Variants in GFOD1 observed in about 807,000 individuals in gnomAD.
GFOD1 encodes glucose-fructose oxidoreductase domain-containing protein 1.
Under a neutral mutation model 25.4 loss-of-function variants are expected in GFOD1, and 9 were observed. The ratio of observed to expected loss-of-function variants is 0.35; its 90% CI spans 0.21 to 0.62. The LOEUF (loss-of-function observed/expected upper bound fraction) is 0.62. GFOD1 is among the 20% of genes least tolerant of loss of function. GFOD1 has a pLI of 0.72. For synonymous variants in GFOD1, 253 were observed against 245.6 expected (o/e 1.03, Z -0.28); for missense variants, 403 against 556.9 (o/e 0.72, Z 2.78).
At chr6:13,453,033 C>A (rs924276968) in intron 1 of GFOD1, among the ~76,000 whole-genome samples, 1 of 152,100 alleles carries the variant, frequency 6.6e-6, no homozygotes, top group Non-Finnish European at 1.5e-5. Flanking sequence ...ATTCACATGC[C>A]GGGAAAGAAG....
intron 1 of GFOD1, among the ~76,000 whole-genome samples, chr6:13,420,537 A>G (rs1291823003): frequency 1.3e-5 from 2 of 152,208 alleles, no homozygotes; most frequent in Non-Finnish European, 2.9e-5. Flanking sequence ...ATCGAGATGG[A>G]TCCCAGAGCC....
At chr6:13,408,012 C>A in intron 1 of GFOD1, 1 of 985,394 alleles carries the variant, frequency 1.0e-6, no homozygotes, top group Non-Finnish European at 1.2e-6. Flanking sequence ...GGCTTTGCTC[C>A]CAGAAAACTA....
At chr6:13,366,634 A>ATT (rs905039990) in intron 1 of GFOD1, among the ~76,000 whole-genome samples, 32 of 144,254 alleles carry the variant, frequency 2.2e-4, no homozygotes, top group African/African-American at 7.6e-4. Context: ...GCGCCCAGCC[A>ATT]TTTTTTTTTT....
chr6:13,459,140 T>C (rs1285491465), intron 1 of GFOD1, among the ~76,000 whole-genome samples: 1 of 152,148 alleles, frequency 6.6e-6, no homozygotes. Context: ...CTTGCAGTGG[T>C]ACTGGCATCA....
At chr6:13,370,803 G>A (rs1226055848) in intron 1 of GFOD1, among the ~76,000 whole-genome samples, 1 of 152,050 alleles carries the variant, frequency 6.6e-6, no homozygotes, top group Non-Finnish European at 1.5e-5. Context: ...CAACGTAAAG[G>A]GAACTTGCAT....
At chr6:13,453,081 TA>T (rs763653345) in intron 1 of GFOD1, among the ~76,000 whole-genome samples, 5 of 152,370 alleles carry the variant, frequency 3.3e-5, no homozygotes, top group Non-Finnish European at 7.3e-5. Context: ...GCTCAGGTTT[TA>T]TAAGCAATTG....
At chr6:13,397,640 A>G (rs1033663613) in intron 1 of GFOD1, among the ~76,000 whole-genome samples, 2 of 152,196 alleles carry the variant, frequency 1.3e-5, no homozygotes, top group African/African-American at 4.8e-5. Context: ...TTAGAAGCCA[A>G]TGCAAAACAG....
At chr6:13,393,801 A>T (rs1785669304) in intron 1 of GFOD1, among the ~76,000 whole-genome samples, 1 of 50,280 alleles carries the variant, frequency 2.0e-5, no homozygotes, top group African/African-American at 4.5e-5. Flanking sequence ...TTTTTTTGAG[A>T]CGGAGTTTCG....
intron 1 of GFOD1, among the ~76,000 whole-genome samples, chr6:13,396,635 G>A (rs1249935847): frequency 1.3e-5 from 2 of 152,152 alleles, no homozygotes; most frequent in Non-Finnish European, 2.9e-5. Context: ...CCAGGTGGGT[G>A]GGAGGTAAGC....
intron 1 of GFOD1, among the ~76,000 whole-genome samples, chr6:13,449,481 T>C (rs766192121): frequency 2.6e-5 from 4 of 151,992 alleles, no homozygotes; most frequent in Non-Finnish European, 5.9e-5. Context: ...AGTTATGTGG[T>C]TTCTATTCAA....
intron 1 of GFOD1, among the ~76,000 whole-genome samples, chr6:13,414,645 A>T (rs1786135077): frequency 6.6e-6 from 1 of 152,200 alleles, no homozygotes; most frequent in South Asian, 2.1e-4. Context: ...CATGCATATC[A>T]TAGGCATGTT....
chr6:13,431,809 C>G (rs2127570299), intron 1 of GFOD1, among the ~76,000 whole-genome samples: 1 of 152,342 alleles, frequency 6.6e-6, no homozygotes, highest in East Asian at 1.9e-4. Flanking sequence ...CTAAAAATCT[C>G]TAATTAAAGT....
At chr6:13,469,353 G>C (rs1041292993) in intron 1 of GFOD1, 1 of 985,220 alleles carries the variant, frequency 1.0e-6, no homozygotes, top group Non-Finnish European at 1.2e-6. Context: ...TGAAGATCAT[G>C]AAATAACATT....
chr6:13,425,872 GA>G (rs35815438), intron 1 of GFOD1, among the ~76,000 whole-genome samples: 3,637 of 130,354 alleles, frequency 0.028, 140 homozygotes, highest in African/African-American at 0.087. Flanking sequence ...GATAAGCTAG[GA>G]AAAAAAAAAA....
At chr6:13,482,361 A>G (rs1046498972) in intron 1 of GFOD1, among the ~76,000 whole-genome samples, 2 of 151,280 alleles carry the variant, frequency 1.3e-5, no homozygotes, top group Admixed American at 6.6e-5. Context: ...AAATTTTAAC[A>G]TATATAAATT....
chr6:13,446,893 T>C (rs1758012021), intron 1 of GFOD1, among the ~76,000 whole-genome samples: 1 of 152,224 alleles, frequency 6.6e-6, no homozygotes, highest in South Asian at 2.1e-4. Flanking sequence ...GCCCATCTTC[T>C]AGGTGTCCAA....
At position 13,422,004 on chromosome 6, in the gene GFOD1, A is replaced by G. The variant is rs542333650; in HGVS notation, c.254-56342T>C. 2.0e-5 allele frequency among the ~76,000 whole-genome samples: 3 copies of G among 152,340 alleles called. No individual in the cohort carries two copies. The South Asian group carries it at 6.2e-4, about 32-fold the overall frequency. On this transcript the variant is annotated intron_variant, in intron 1 of 1. Coordinates refer to ENST00000379287, the MANE Select transcript of GFOD1 (RefSeq NM_018988.4). ...ATTCCTTTGGGGGAGAAATATATCC[A>G]CAGGGGAGGAAGAAAATAAATCAAC... is the stretch of plus-strand genomic sequence containing the variant.
intron 1 of GFOD1, among the ~76,000 whole-genome samples, chr6:13,390,775 GA>G (rs558400650): frequency 0.031 from 3,674 of 118,388 alleles, 239 homozygotes; most frequent in African/African-American, 0.17. Context: ...GAGAGAGAGA[GA>G]GAGAAAGGAA....
intron 1 of GFOD1, among the ~76,000 whole-genome samples, chr6:13,417,185 G>A (rs902988601): frequency 3.3e-5 from 5 of 152,142 alleles, no homozygotes; most frequent in Non-Finnish European, 5.9e-5. Flanking sequence ...TCGGAGTCTC[G>A]CTCTGTCACC....
Sources: gnomAD v4.1 joint callset for allele counts (sites outside exome capture counted in the v4.1 genomes callset) on GRCh38, gnomAD v4.1.1 for gene constraint, MANE v1.5 for transcripts, NCBI Gene and HGNC (gene_info 2026-07-23, HGNC 2026-07-21) for gene names.